The following COL11A1 variants were observed in gnomAD, a reference collection of about 807,000 sequenced individuals.
COL11A1 encodes the protein collagen alpha-1(XI) chain.
In COL11A1, 74 loss-of-function variants were observed where a neutral mutation model predicts 265.2. That is an observed-to-expected ratio of 0.28 (90% confidence interval 0.23 to 0.34). The LOEUF is 0.34. Among genes scored for constraint, COL11A1 ranks in the 10% least tolerant of loss-of-function variants. The pLI, the probability that COL11A1 is intolerant of heterozygous loss-of-function variation, is 1.00. For synonymous variants in COL11A1, 816 were observed against 727.6 expected (o/e 1.12, Z -1.96); for missense variants, 2,165 against 2,263.6 (o/e 0.96, Z 0.88).
Position 102,995,901 on chromosome 1 carries a change from T to C in COL11A1, c.2303A>G (p.Asp768Gly). The C allele has an allele frequency of 1.2e-6, 2 of 1,611,954 alleles. No individual in the cohort carries two copies. Among genetic ancestry groups the C allele is most frequent in the Non-Finnish European group, 1.7e-6 (2 of 1,178,992 alleles). Residue 768 changes from aspartate (D) to glycine (G), a missense_variant, in exon 28 of 67, where the codon GAT becomes GGT. Coordinates refer to ENST00000370096, the MANE Select transcript of COL11A1 (RefSeq NM_001854.4). ...YPGPRGVKGA[D>G]GVRGLKGSKG... The stretch of plus-strand genomic sequence containing the variant: ...AGATCCCTTGAGACCTCTGACACCA[T>C]CTGCTCCCTGTGGAATAAATTAGAA...
intron 2 of COL11A1, among the ~76,000 whole-genome samples, chr1:103,080,006 A>G (rs1672275907): frequency 1.3e-5 from 2 of 151,906 alleles, no homozygotes; most frequent in Non-Finnish European, 2.9e-5. Flanking sequence ...GTACTTTCAA[A>G]TCACCAAAGT....
At chr1:102,900,840 G>A (rs12092904) in intron 54 of COL11A1, among the ~76,000 whole-genome samples, 4,902 of 152,114 alleles carry the variant, frequency 0.032, 262 homozygotes, top group African/African-American at 0.11. Flanking sequence ...AAATGACTTT[G>A]TTCTGTTCTT....
At chr1:102,955,772 C>T (rs1056629311) in intron 41 of COL11A1, among the ~76,000 whole-genome samples, 6 of 152,086 alleles carry the variant, frequency 3.9e-5, no homozygotes, top group Non-Finnish European at 8.8e-5. Context: ...TGTTTACATA[C>T]ATAGAAAACA....
At chr1:102,967,227 C>CTATTTT (rs1661487792) in intron 37 of COL11A1, among the ~76,000 whole-genome samples, 1 of 52,754 alleles carries the variant, frequency 1.9e-5, no homozygotes, top group African/African-American at 8.0e-5. Flanking sequence ...ATAATAAATT[C>CTATTTT]TTTTTTTTTT....
intron 42 of COL11A1, among the ~76,000 whole-genome samples, chr1:102,940,925 T>C: frequency 6.6e-6 from 1 of 152,222 alleles, no homozygotes; most frequent in East Asian, 1.9e-4. Context: ...ATTATTTTCA[T>C]GTTTAAATTT....
chr1:102,899,530 T>C (rs1231277139), intron 54 of COL11A1, among the ~76,000 whole-genome samples: 1 of 151,998 alleles, frequency 6.6e-6, no homozygotes, highest in Non-Finnish European at 1.5e-5. Flanking sequence ...GCAGTTCACA[T>C]AAATAGGTAA....
intron 11 of COL11A1, 138 bp from the exon 12 acceptor site, chr1:103,015,880 G>A: frequency 1.7e-6 from 1 of 585,470 alleles, no homozygotes; most frequent in African/African-American, 1.9e-5. Context: ...TTTTTAGTAA[G>A]TATACCTAGA....
intron 59 of COL11A1, 114 bp from the exon 60 acceptor site, chr1:102,889,033 A>G: frequency 1.0e-6 from 1 of 952,418 alleles, no homozygotes; most frequent in South Asian, 1.4e-5. Flanking sequence ...AGAGAATGCA[A>G]AAATATTTAT....
chr1:103,069,669 T>C (rs1671421319), intron 4 of COL11A1, among the ~76,000 whole-genome samples: 1 of 151,920 alleles, frequency 6.6e-6, no homozygotes, highest in African/African-American at 2.4e-5. Context: ...AAAATCTTTA[T>C]GCAGGATAAA....
At chr1:103,046,746 G>A (rs1432252283) in intron 4 of COL11A1, among the ~76,000 whole-genome samples, 11 of 151,006 alleles carry the variant, frequency 7.3e-5, no homozygotes, top group Non-Finnish European at 1.5e-4. Flanking sequence ...TAGGTCTAAC[G>A]TTTAAGTCTT....
At chr1:103,009,652 T>A (rs1665938553) in intron 14 of COL11A1, among the ~76,000 whole-genome samples, 1 of 152,178 alleles carries the variant, frequency 6.6e-6, no homozygotes, top group African/African-American at 2.4e-5. Flanking sequence ...TTTATTTAAA[T>A]CCATACACAT....
intron 13 of COL11A1, among the ~76,000 whole-genome samples, chr1:103,013,181 CAA>C (rs1188430181): frequency 6.6e-6 from 1 of 151,912 alleles, no homozygotes; most frequent in Non-Finnish European, 1.5e-5. Context: ...AGATTTATCA[CAA>C]AGATATCAAA....
intron 4 of COL11A1, among the ~76,000 whole-genome samples, chr1:103,031,953 T>A (rs1443324412): frequency 6.6e-6 from 1 of 152,052 alleles, no homozygotes; most frequent in Non-Finnish European, 1.5e-5. Context: ...ATAATAGAAT[T>A]ACCTAAAGAG....
In COL11A1 at chr1:102,963,576, T is replaced by C. The variant is rs2101582432; in HGVS notation, c.2917-816A>G. Reference sequence around the variant, plus strand: ...AGAAAATTTTTAGATGCTAAGGTTGTTAAACAGGAGAATGTGTTCCTGCAC... The same window carrying C: ...AGAAAATTTTTAGATGCTAAGGTTGCTAAACAGGAGAATGTGTTCCTGCAC... On this transcript the variant is annotated intron_variant, in intron 38 of 66. Transcript: ENST00000370096. Among the ~76,000 whole-genome samples, 3 of 152,294 alleles carry C rather than the reference T, an allele frequency of 2.0e-5. No homozygotes were observed. In the South Asian group the frequency reaches 6.2e-4, roughly 32 times the overall value.
At chr1:103,060,974 CA>C (rs34439772) in intron 4 of COL11A1, among the ~76,000 whole-genome samples, 3 of 149,628 alleles carry the variant, frequency 2.0e-5, no homozygotes, top group African/African-American at 2.4e-5. Context: ...CAGAGTGGAT[CA>C]AAAAAAAACC....
At chr1:103,061,491 C>T (rs1283996081) in intron 4 of COL11A1, among the ~76,000 whole-genome samples, 2 of 152,014 alleles carry the variant, frequency 1.3e-5, no homozygotes, top group Admixed American at 1.3e-4. Context: ...ATACTACATT[C>T]ATGGCCAAAA....
In COL11A1 at chr1:102,914,690, C is replaced by G; in HGVS notation, c.3924+14G>C. On this transcript the variant is annotated intron_variant, in intron 51 of 66. Transcript: ENST00000370096. ...GGCATAAATGCCACATTAGAGGGGA[C>G]CAAACTCACTTACCGGGTTACCCTT... 6.2e-7 allele frequency: 1 copy of G among 1,602,806 alleles called. No individual in the cohort carries two copies. The highest frequency in any genetic ancestry group is 8.5e-7 in the Non-Finnish European group (1 of 1,170,990).
chr1:102,975,644 A>G (rs1194040352), intron 35 of COL11A1, among the ~76,000 whole-genome samples: 1 of 152,166 alleles, frequency 6.6e-6, no homozygotes, highest in Non-Finnish European at 1.5e-5. Context: ...AGAAAAAGTA[A>G]TTGGTAAGAG....
At chr1:103,053,689 T>A (rs1007381750) in intron 4 of COL11A1, among the ~76,000 whole-genome samples, 10 of 152,190 alleles carry the variant, frequency 6.6e-5, no homozygotes. Context: ...TCTACTCTTA[T>A]ACAAGTGGTC....
Sources: allele counts gnomAD v4.1 joint callset (sites outside exome capture counted in the v4.1 genomes callset), GRCh38; gene constraint gnomAD v4.1.1; transcripts MANE v1.5; gene names NCBI Gene and HGNC (gene_info 2026-07-23, HGNC 2026-07-21).